CCDC171: variants seen among roughly 807,000 people sequenced by gnomAD.
CCDC171 encodes the protein coiled-coil domain containing 171, also known as coiled-coil domain-containing protein 171.
A neutral mutation model predicts 168.2 loss-of-function variants in CCDC171; 177 were observed. The ratio of observed to expected loss-of-function variants is 1.05; its 90% CI spans 0.93 to 1.19. The LOEUF (loss-of-function observed/expected upper bound fraction) is 1.19, where lower values mean the gene tolerates loss of function less well. CCDC171 is among the 50% of genes most tolerant of loss of function. The pLI is 0.00. For synonymous variants in CCDC171, 687 were observed against 540.8 expected, an observed-to-expected ratio of 1.27 and a Z score of -3.75; for missense variants, 1,991 against 1,539.0, an observed-to-expected ratio of 1.29 and a Z score of -4.91.
chr9:16,049,598 C>T (rs1340246727), intron 1 of CCDC171, among the ~76,000 whole-genome samples: 1 of 152,160 alleles, frequency 6.6e-6, no homozygotes, highest in African/African-American at 2.4e-5. Flanking sequence ...CTTACACCAG[C>T]AGCACCCTGG....
At chr9:16,003,804 T>G (rs796163963) in intron 3 of CCDC171, among the ~76,000 whole-genome samples, 77 of 152,288 alleles carry the variant, frequency 5.1e-4, no homozygotes, top group African/African-American at 1.6e-3. Flanking sequence ...TGTCCTACTT[T>G]CCCTTAACTG....
At chr9:16,060,091 A>G (rs948797110) in intron 1 of CCDC171, among the ~76,000 whole-genome samples, 3 of 152,172 alleles carry the variant, frequency 2.0e-5, no homozygotes, top group African/African-American at 7.2e-5. Context: ...GTAAATGTAT[A>G]TGTATGTAAA....
At chr9:15,672,567 T>C (rs1477964607) in intron 9 of CCDC171, among the ~76,000 whole-genome samples, 1 of 152,234 alleles carries the variant, frequency 6.6e-6, no homozygotes, top group East Asian at 1.9e-4. Flanking sequence ...GCTTTCTGCA[T>C]ATGGCTAGCC....
the CCDC171 span, among the ~76,000 whole-genome samples, chr9:16,107,903 T>C: frequency 2.0e-5 from 3 of 152,224 alleles, no homozygotes; most frequent in Non-Finnish European, 4.4e-5. Flanking sequence ...TAATGTAGCA[T>C]ATGCCATGCA....
chr9:15,943,488 C>G (rs920376474), intron 25 of CCDC171, among the ~76,000 whole-genome samples: 1 of 151,872 alleles, frequency 6.6e-6, no homozygotes, highest in Non-Finnish European at 1.5e-5. Context: ...TGAATTAATA[C>G]TTGTATATTT....
At chr9:15,708,851 T>A (rs755756772) in intron 11 of CCDC171, among the ~76,000 whole-genome samples, 7 of 152,212 alleles carry the variant, frequency 4.6e-5, no homozygotes, top group Non-Finnish European at 1.0e-4. Flanking sequence ...GCTTCAGATA[T>A]TGATCTTAGA....
At chr9:15,864,845 A>C (rs1339074992) in intron 23 of CCDC171, among the ~76,000 whole-genome samples, 5 of 152,072 alleles carry the variant, frequency 3.3e-5, no homozygotes, top group South Asian at 4.1e-4. Context: ...TGTGAAGAAG[A>C]AGCTAATAAT....
At chr9:16,016,565 G>A (rs1300142536) in intron 3 of CCDC171, among the ~76,000 whole-genome samples, 1 of 152,094 alleles carries the variant, frequency 6.6e-6, no homozygotes, top group East Asian at 1.9e-4. Context: ...ACACGGATGA[G>A]GTCGGTGAGC....
chr9:15,776,321 A>T (rs2057326272), intron 18 of CCDC171: 1 of 152,166 alleles, frequency 6.6e-6, no homozygotes, highest in Admixed American at 6.5e-5. Flanking sequence ...TATGATTGTT[A>T]ACAAAAGGAC....
chr9:15,937,776 C>G (rs555697643), intron 25 of CCDC171, among the ~76,000 whole-genome samples: 4 of 152,024 alleles, frequency 2.6e-5, no homozygotes, highest in African/African-American at 9.6e-5. Context: ...ACACCCAAGA[C>G]GTTAAATACA....
At chr9:15,985,579 G>A (rs1021466611) in intron 3 of CCDC171, among the ~76,000 whole-genome samples, 6 of 152,154 alleles carry the variant, frequency 3.9e-5, no homozygotes, top group Non-Finnish European at 7.3e-5. Flanking sequence ...GAGATTAAGT[G>A]ACTTTCCCAA....
At position 15,971,543 on chromosome 9, in the gene CCDC171, G is replaced by A. The variant is rs1831355326; in HGVS notation, c.3754-66G>A. On this transcript the variant is annotated intron_variant, in intron 25 of 25. Coordinates refer to ENST00000380701, the MANE Select transcript of CCDC171 (RefSeq NM_173550.4). ...ATTATTAGTCTACTTGCCTGTTTAT[G>A]GTTTTAGGCTCTATTTGAGAGTTTT... The A allele has an allele frequency of 3.9e-6, 4 of 1,015,582 alleles. No homozygotes were observed. The East Asian group carries it at 9.5e-5, about 24-fold the overall frequency. The allele number at this position is 1,015,582 out of a possible 1,614,324, so 62.9% of individuals were successfully genotyped here.
chr9:15,802,350 A>G (rs534545590), intron 21 of CCDC171, among the ~76,000 whole-genome samples: 5 of 151,940 alleles, frequency 3.3e-5, no homozygotes, highest in East Asian at 1.9e-4. Flanking sequence ...AGATCATTCT[A>G]TCACCCAGGT....
chr9:15,757,138 G>T lies in CCDC171; in HGVS notation c.2671+11507G>T, dbSNP rs551784960. 3.9e-5 allele frequency among the ~76,000 whole-genome samples: 6 copies of T among 152,338 alleles called. No individual in the cohort carries two copies. In the South Asian group the frequency reaches 1.2e-3, roughly 32 times the overall value. ...AATGTTTAAGCGACTTTGGAACTGG[G>T]TAACAGGCAGAGGTTGAAACAGTTT... On this transcript the variant is annotated intron_variant, in intron 18 of 25. Transcript: ENST00000380701.
intron 22 of CCDC171, among the ~76,000 whole-genome samples, chr9:15,847,056 G>T (rs565048706): frequency 2.4e-4 from 36 of 152,152 alleles, no homozygotes; most frequent in African/African-American, 8.7e-4. Context: ...AAAAGTATAA[G>T]CTTCTATGTA....
intron 3 of CCDC171, 119 bp downstream of exon 3, chr9:15,571,878 G>T: frequency 1.2e-6 from 1 of 831,922 alleles, no homozygotes; most frequent in Non-Finnish European, 1.8e-6. Context: ...GCTTAAAAAG[G>T]AAATTGTAAT....
At chr9:15,603,579 TGA>T (rs1332302783) in intron 6 of CCDC171, among the ~76,000 whole-genome samples, 1 of 152,194 alleles carries the variant, frequency 6.6e-6, no homozygotes, top group African/African-American at 2.4e-5. Context: ...GCAAAAGACA[TGA>T]TTTCATTCAT....
At chr9:15,904,654 C>A (rs1468997038) in intron 24 of CCDC171, among the ~76,000 whole-genome samples, 2 of 152,160 alleles carry the variant, frequency 1.3e-5, no homozygotes. Flanking sequence ...ATGTCAGGAT[C>A]AAATTCACAC....
At chr9:15,793,592 TCA>T (rs138721382) in intron 21 of CCDC171, among the ~76,000 whole-genome samples, 3,330 of 130,286 alleles carry the variant, frequency 0.026, 205 homozygotes, top group African/African-American at 0.098. Flanking sequence ...AGACAGAGTC[TCA>T]CTCTCTTCCC....
Sources: allele counts gnomAD v4.1 joint callset (sites outside exome capture counted in the v4.1 genomes callset), GRCh38; gene constraint gnomAD v4.1.1; transcripts MANE v1.5; gene names NCBI Gene and HGNC (gene_info 2026-07-23, HGNC 2026-07-21).